DCLK1: variants seen among roughly 807,000 people sequenced by gnomAD.
The protein encoded by DCLK1 is doublecortin like kinase 1.
In DCLK1, 16 loss-of-function variants were observed where a neutral mutation model predicts 86.2. The ratio of observed to expected loss-of-function variants is 0.19; its 90% CI spans 0.13 to 0.28. The LOEUF (loss-of-function observed/expected upper bound fraction) is 0.28, where lower values mean the gene tolerates loss of function less well. Among genes scored for constraint, DCLK1 ranks in the 10% least tolerant of loss-of-function variants. The probability of loss-of-function intolerance (pLI) is 1.00; values close to 1 mark genes in which losing one functional copy is unlikely to be tolerated. For missense variants in DCLK1, 590 were observed against 940.2 expected (o/e 0.63, Z 4.87); for synonymous variants, 369 against 370.5 (o/e 1.00, Z 0.05).
intron 3 of DCLK1, among the ~76,000 whole-genome samples, chr13:35,951,270 CATGGATGGATGG>C (rs113236728): frequency 4.8e-4 from 70 of 145,398 alleles, no homozygotes; most frequent in African/African-American, 1.3e-3. Context: ...TGGATGGATG[CATGGATGGATGG>C]ATGGATGGAT....
At chr13:36,111,409 A>T (rs920462376) in intron 3 of DCLK1, among the ~76,000 whole-genome samples, 1 of 152,226 alleles carries the variant, frequency 6.6e-6, no homozygotes, top group African/African-American at 2.4e-5. Flanking sequence ...TACATATTTT[A>T]AAATCTATAA....
chr13:36,007,497 T>C, intron 3 of DCLK1, among the ~76,000 whole-genome samples: 1 of 152,154 alleles, frequency 6.6e-6, no homozygotes, highest in East Asian at 1.9e-4. Context: ...CCTCAAAATA[T>C]CTTGGGGTTG....
At chr13:35,891,219 T>C (rs1873625824) in intron 4 of DCLK1, among the ~76,000 whole-genome samples, 1 of 152,114 alleles carries the variant, frequency 6.6e-6, no homozygotes, top group African/African-American at 2.4e-5. Context: ...TATAGTGAAG[T>C]CTAGTCTCAA....
rs1391852273 is a variant in DCLK1 at position 35,831,697 on chromosome 13, C to T, written c.1230-3390G>A. 2.0e-5 allele frequency among the ~76,000 whole-genome samples: 3 copies of T among 152,152 alleles called. No homozygotes were observed. The East Asian group carries it at 5.8e-4, about 29-fold the overall frequency. ...CTTGTTTTTGAAATTATGTTCTTGA[C>T]CTTTTACAGAACCCTCTTTACCACA... is the stretch of plus-strand genomic sequence containing the variant. On this transcript the variant is annotated intron_variant, in intron 8 of 16. Coordinates refer to ENST00000360631, the MANE Select transcript of DCLK1 (RefSeq NM_001330071.2).
intron 5 of DCLK1, among the ~76,000 whole-genome samples, chr13:35,859,847 T>A (rs1871282951): frequency 6.6e-6 from 1 of 152,226 alleles, no homozygotes; most frequent in African/African-American, 2.4e-5. Context: ...ATTTACAAAT[T>A]CATTGCCCTT....
intron 6 of DCLK1, chr13:35,849,172 T>C (rs1273172154): frequency 1.0e-6 from 1 of 985,248 alleles, no homozygotes; most frequent in Admixed American, 6.2e-5. Context: ...CCTCTTCTTT[T>C]GGTTGGAATA....
At chr13:35,936,960 AGC>A in intron 4 of DCLK1, among the ~76,000 whole-genome samples, 1 of 103,186 alleles carries the variant, frequency 9.7e-6, no homozygotes, top group African/African-American at 3.4e-5. Context: ...AAGAAAAGTT[AGC>A]TTTTTTTTTT....
chr13:36,034,232 C>T lies in DCLK1; in HGVS notation c.723+77637G>A, dbSNP rs558762931. 6.6e-4 allele frequency among the ~76,000 whole-genome samples: 100 copies of T among 152,016 alleles called. 2 individuals carry two copies. The South Asian group carries it at 9.8e-3, about 15-fold the overall frequency. ...CAATCATAAGGATTAAAAAGAAAAC[C>T]GGAATTAAGGATAATAGAAACTTCG... is the stretch of plus-strand genomic sequence containing the variant. On this transcript the variant is annotated intron_variant, in intron 3 of 16. Transcript: ENST00000360631.
chr13:35,998,618 G>A (rs544947938), intron 3 of DCLK1, among the ~76,000 whole-genome samples: 19 of 152,006 alleles, frequency 1.2e-4, no homozygotes, highest in South Asian at 6.2e-4. Context: ...CTCCTTATCC[G>A]TTAGTCTCTC....
chr13:35,923,378 T>C (rs977050895), intron 4 of DCLK1, among the ~76,000 whole-genome samples: 2 of 151,706 alleles, frequency 1.3e-5, no homozygotes, highest in Admixed American at 6.6e-5. Flanking sequence ...TCACTTTCTT[T>C]TTTTTTTTTA....
At chr13:35,973,251 G>A (rs1201560738) in intron 3 of DCLK1, among the ~76,000 whole-genome samples, 1 of 152,228 alleles carries the variant, frequency 6.6e-6, no homozygotes, top group African/African-American at 2.4e-5. Context: ...AGAGGTCAGT[G>A]AGCTGAGGAG....
intron 16 of DCLK1, among the ~76,000 whole-genome samples, chr13:35,777,400 A>G (rs1179440033): frequency 6.6e-6 from 1 of 152,200 alleles, no homozygotes; most frequent in African/African-American, 2.4e-5. Context: ...AACAGAACTC[A>G]GTCTTCTCCT....
At chr13:35,893,619 C>T (rs530557476) in intron 4 of DCLK1, among the ~76,000 whole-genome samples, 6 of 152,262 alleles carry the variant, frequency 3.9e-5, no homozygotes, top group East Asian at 1.9e-4. Context: ...GGTTATTCAG[C>T]GTCTCCAAGA....
intron 3 of DCLK1, among the ~76,000 whole-genome samples, chr13:36,082,196 C>A (rs1021849800): frequency 2.0e-5 from 3 of 152,122 alleles, no homozygotes; most frequent in African/African-American, 4.8e-5. Context: ...GACAGCAAGA[C>A]CAACACCTCC....
intron 4 of DCLK1, among the ~76,000 whole-genome samples, chr13:35,918,535 G>T (rs1429212682): frequency 2.0e-5 from 3 of 152,136 alleles, no homozygotes; most frequent in Non-Finnish European, 1.5e-5. Context: ...GACAGAGTGG[G>T]ATCATAAAAC....
In DCLK1 at chr13:36,029,998, G is replaced by A. The variant is rs192876471; in HGVS notation, c.723+81871C>T. Among the ~76,000 whole-genome samples, 5 of 152,296 alleles carry A rather than the reference G, an allele frequency of 3.3e-5. No homozygotes were observed. In the East Asian group the frequency reaches 5.8e-4, roughly 18 times the overall value. ...AGTAACTTGTCCAAGATAACACAGT[G>A]AGCACAGCATGGACCTAAGCCACTG... On this transcript the variant is annotated intron_variant, in intron 3 of 16. Transcript: ENST00000360631.
chr13:35,989,600 G>T lies in DCLK1; in HGVS notation c.724-42143C>A, dbSNP rs531836210. Among the ~76,000 whole-genome samples the T allele has an allele frequency of 2.6e-5, 4 of 152,066 alleles. No homozygotes were observed. In the South Asian group the frequency reaches 8.3e-4, roughly 32 times the overall value. Reference sequence around the variant, plus strand: ...ACCATTATTATTTTTTAAGAGGCAGGGTCTTGCTTATAGCTCACTGTAGCC... The same window carrying T: ...ACCATTATTATTTTTTAAGAGGCAGTGTCTTGCTTATAGCTCACTGTAGCC... On this transcript the variant is annotated intron_variant, in intron 3 of 16. Transcript: ENST00000360631.
chr13:35,966,033 A>G (rs1477879991), intron 3 of DCLK1, among the ~76,000 whole-genome samples: 1 of 152,208 alleles, frequency 6.6e-6, no homozygotes, highest in Non-Finnish European at 1.5e-5. Flanking sequence ...AACAAGAAAC[A>G]TGAAAAAACT....
At chr13:35,961,804 G>A (rs1003516476) in intron 3 of DCLK1, among the ~76,000 whole-genome samples, 2 of 152,122 alleles carry the variant, frequency 1.3e-5, no homozygotes, top group East Asian at 3.9e-4. Flanking sequence ...CAAAATTAAA[G>A]TTCTCTCCTT....
Sources: allele counts gnomAD v4.1 joint callset (sites outside exome capture counted in the v4.1 genomes callset), GRCh38; gene constraint gnomAD v4.1.1; transcripts MANE v1.5; gene names NCBI Gene and HGNC (gene_info 2026-07-23, HGNC 2026-07-21).